Variants in NEXMIF observed in about 807,000 individuals in gnomAD.
The protein encoded by NEXMIF is XLMR protein related to neurite extension.
In NEXMIF, 8 loss-of-function variants were observed where a neutral mutation model predicts 62.1. That is an observed-to-expected ratio of 0.13 (90% CI 0.08 to 0.23). The LOEUF (loss-of-function observed/expected upper bound fraction) is 0.23, where lower values mean the gene tolerates loss of function less well. Among genes scored for constraint, NEXMIF ranks in the 10% least tolerant of loss-of-function variants. NEXMIF has a pLI of 1.00. For synonymous variants in NEXMIF, 404 were observed against 416.6 expected (o/e 0.97, Z 0.37); for missense variants, 976 against 1,113.3 (o/e 0.88, Z 1.75).
At chrX:74,876,613 T>C (rs1450182303) in intron 1 of NEXMIF, among the ~76,000 whole-genome samples, 1 of 101,245 alleles carries the variant, frequency 9.9e-6, no homozygotes. Context: ...CCATTATTAA[T>C]GTGTGGGAGT....
chrX:74,825,553 C>T (rs756000300), intron 1 of NEXMIF, among the ~76,000 whole-genome samples: 1 of 112,142 alleles, frequency 8.9e-6, no homozygotes, highest in Non-Finnish European at 1.9e-5. Context: ...CTGCAAAGTA[C>T]ATGATCTTGT....
At chrX:74,871,132 A>G (rs777634732) in intron 1 of NEXMIF, among the ~76,000 whole-genome samples, 31 of 111,957 alleles carry the variant, frequency 2.8e-4, no homozygotes, top group African/African-American at 9.7e-4. Flanking sequence ...CCAATATTTC[A>G]ATGTAGGTTC....
intron 1 of NEXMIF, among the ~76,000 whole-genome samples, chrX:74,793,967 C>T (rs1429122193): frequency 4.7e-5 from 4 of 84,957 alleles, no homozygotes; most frequent in Non-Finnish European, 9.4e-5. Flanking sequence ...AAGCCTTCTT[C>T]TCTCAGCTCG....
At chrX:74,910,294 G>A (rs61004961) in intron 1 of NEXMIF, among the ~76,000 whole-genome samples, 9,232 of 112,255 alleles carry the variant, frequency 0.082, 929 homozygotes, top group African/African-American at 0.28. Flanking sequence ...TTGCATCAGC[G>A]TGACCTGGAC....
chrX:74,870,265 C>T (rs1471726059), intron 1 of NEXMIF, among the ~76,000 whole-genome samples: 1 of 110,771 alleles, frequency 9.0e-6, no homozygotes, highest in Non-Finnish European at 1.9e-5. Context: ...ACTGGATATC[C>T]ATATACAGAA....
Position 74,740,677 on chromosome X carries a change from T to C in NEXMIF, c.3880A>G (p.Ser1294Gly). 2 of 1,211,715 alleles carry C rather than the reference T, an allele frequency of 1.7e-6. No individual in the cohort carries two copies. The highest frequency in any genetic ancestry group is 2.2e-6 in the Non-Finnish European group (2 of 895,355). Residue 1294 changes from serine to glycine, a missense_variant, in exon 3 of 4, where the codon AGT becomes GGT. Ser to Gly is a moderately conservative substitution (Grantham distance 56, BLOSUM62 0). Coordinates refer to ENST00000055682, the MANE Select transcript of NEXMIF (RefSeq NM_001008537.3). ...GTGTTGGTGCCCATGCTCATATCACTCCAGCCTGGGCTGCTCTCCTTCCCC... is the reference window on the plus strand; with the variant it reads ...GTGTTGGTGCCCATGCTCATATCACCCCAGCCTGGGCTGCTCTCCTTCCCC... Reference protein sequence around the residue: ...ALGKESSPGWSDMSMGTNTNS... With the variant: ...ALGKESSPGWGDMSMGTNTNS...
At chrX:74,874,844 G>C (rs1488381410) in intron 1 of NEXMIF, among the ~76,000 whole-genome samples, 18 of 104,191 alleles carry the variant, frequency 1.7e-4, no homozygotes, top group African/African-American at 2.2e-4. Flanking sequence ...CATTGATTTT[G>C]TATCCTGAGA....
At chrX:74,797,324 T>G (rs1218295523) in intron 1 of NEXMIF, among the ~76,000 whole-genome samples, 2 of 111,824 alleles carry the variant, frequency 1.8e-5, no homozygotes, top group Middle Eastern at 4.3e-3. Flanking sequence ...AGTCTGGAGT[T>G]TAGTTAATAG....
intron 1 of NEXMIF, among the ~76,000 whole-genome samples, chrX:74,795,217 C>T (rs866697212): frequency 8.9e-6 from 1 of 112,304 alleles, no homozygotes; most frequent in Non-Finnish European, 1.9e-5. Context: ...TACATCCACA[C>T]AAAAACCTGC....
Position 74,742,871 on chromosome X carries a change from A to C in NEXMIF, c.1686T>G (p.Asp562Glu). 2 of 1,211,596 alleles carry C rather than the reference A, an allele frequency of 1.7e-6. No homozygotes were observed. The highest frequency in any genetic ancestry group is 1.8e-5 in the South Asian group (1 of 56,954). Reference sequence around the variant, plus strand: ...TCAAATTCACTGTTGTCTCACTGGCATCCACCTTACCCAACTTCACCAGCA... The same window carrying C: ...TCAAATTCACTGTTGTCTCACTGGCCTCCACCTTACCCAACTTCACCAGCA... ...KNMLVKLGKV[D>E]ASETTVNLSE... is the part of the protein sequence containing the mutation. The change falls in exon 3 of 4, where the codon GAT becomes GAG. Residue 562 changes from aspartate to glutamate, a missense_variant. By Grantham distance (45) the Asp-to-Glu change is conservative. Transcript: ENST00000055682.
chrX:74,851,139 C>T (rs913719776), intron 1 of NEXMIF, among the ~76,000 whole-genome samples: 3 of 110,028 alleles, frequency 2.7e-5, no homozygotes, highest in Admixed American at 9.7e-5. Context: ...CAGGACTTGA[C>T]GACAGGTCTT....
chrX:74,800,249 G>A (rs1339773284), intron 1 of NEXMIF, among the ~76,000 whole-genome samples: 3 of 111,389 alleles, frequency 2.7e-5, no homozygotes, highest in Non-Finnish European at 3.8e-5. Flanking sequence ...GTGCATGTAG[G>A]GGCTTTAGTG....
At chrX:74,849,981 G>A (rs963298103) in intron 1 of NEXMIF, among the ~76,000 whole-genome samples, 1 of 112,279 alleles carries the variant, frequency 8.9e-6, no homozygotes, top group African/African-American at 3.2e-5. Context: ...CATTCCACTA[G>A]AAACTTTGGA....
At chrX:74,817,897 C>A (rs2080381103) in intron 1 of NEXMIF, among the ~76,000 whole-genome samples, 2 of 110,512 alleles carry the variant, frequency 1.8e-5, no homozygotes, top group African/African-American at 3.3e-5. Flanking sequence ...TACAGCTAAC[C>A]AAAGAGGTTG....
At chrX:74,908,432 T>C (rs758106205) in intron 1 of NEXMIF, among the ~76,000 whole-genome samples, 54 of 112,182 alleles carry the variant, frequency 4.8e-4, no homozygotes, top group African/African-American at 1.6e-3. Context: ...GATATTGAAG[T>C]CATATCTAAG....
chrX:74,892,752 C>T (rs774794844), intron 1 of NEXMIF, among the ~76,000 whole-genome samples: 5 of 112,298 alleles, frequency 4.5e-5, no homozygotes, highest in African/African-American at 1.6e-4. Context: ...TGCATTAATA[C>T]GCCATCTGCC....
chrX:74,825,623 C>T (rs990599835), intron 1 of NEXMIF, among the ~76,000 whole-genome samples: 1 of 112,141 alleles, frequency 8.9e-6, no homozygotes, highest in Admixed American at 9.5e-5. Flanking sequence ...GGCATGATCT[C>T]GGCTCATTGC....
intron 1 of NEXMIF, among the ~76,000 whole-genome samples, chrX:74,791,592 G>C (rs964619488): frequency 1.8e-5 from 2 of 111,424 alleles, no homozygotes; most frequent in African/African-American, 3.3e-5. Flanking sequence ...ATTCGGCTGT[G>C]AATCCATCTG....
intron 1 of NEXMIF, among the ~76,000 whole-genome samples, chrX:74,757,310 A>C (rs2080162455): frequency 8.9e-6 from 1 of 111,897 alleles, no homozygotes; most frequent in African/African-American, 3.2e-5. Context: ...CTTGTTTCCT[A>C]ACTAACTTGT....
Sources: allele counts gnomAD v4.1 joint callset (sites outside exome capture counted in the v4.1 genomes callset), GRCh38; gene constraint gnomAD v4.1.1; transcripts MANE v1.5; gene names NCBI Gene and HGNC (gene_info 2026-07-23, HGNC 2026-07-21).